Variants in BLTP1 observed in about 807,000 individuals in gnomAD.
BLTP1 encodes the protein fragile site-associated protein.
chr4:122,193,059 G>A, the BLTP1 span, among the ~76,000 whole-genome samples: 3 of 152,088 alleles, frequency 2.0e-5, no homozygotes, highest in African/African-American at 7.2e-5. Context: ...GTATCTTCAT[G>A]TGGTCTTTCC....
At chr4:122,224,486 T>C in the BLTP1 span, 1 of 1,607,862 alleles carries the variant, frequency 6.2e-7, no homozygotes, top group Non-Finnish European at 8.5e-7. Context: ...GTCTCATCAT[T>C]ATTGTTTTCA....
the BLTP1 span, chr4:122,298,715 A>C: frequency 2.4e-6 from 1 of 420,018 alleles, no homozygotes; most frequent in South Asian, 1.0e-4. Flanking sequence ...TGAATGAAGA[A>C]GTTAAGTAGT....
chr4:122,158,703 G>C, the BLTP1 span, among the ~76,000 whole-genome samples: 9 of 152,176 alleles, frequency 5.9e-5, no homozygotes, highest in Admixed American at 5.2e-4. Flanking sequence ...CCCAGGAGGA[G>C]GGGCTTGCAG....
At chr4:122,217,163 T>C in the BLTP1 span, among the ~76,000 whole-genome samples, 1 of 152,058 alleles carries the variant, frequency 6.6e-6, no homozygotes, top group Non-Finnish European at 1.5e-5. Flanking sequence ...AGTATTTGGC[T>C]CCACTCTGGC....
At chr4:122,353,864 G>T in the BLTP1 span, 1 of 1,613,642 alleles carries the variant, frequency 6.2e-7, no homozygotes, top group Non-Finnish European at 8.5e-7. This position sits in a 1 kb window ranked among gnomAD's most constrained non-coding sequence, Gnocchi z 4.3. Context: ...TTTTCACCTG[G>T]GTCATAATAC....
the BLTP1 span, among the ~76,000 whole-genome samples, chr4:122,181,823 TAAA>T: frequency 1.3e-5 from 2 of 152,080 alleles, no homozygotes; most frequent in African/African-American, 4.8e-5. Flanking sequence ...GAATTTCCTT[TAAA>T]AAAGCACAGG....
chr4:122,231,407 G>A, the BLTP1 span, among the ~76,000 whole-genome samples: 4 of 151,200 alleles, frequency 2.6e-5, no homozygotes, highest in Non-Finnish European at 4.4e-5. Context: ...TAGCTGTTTC[G>A]ATTTCTTCAC....
At chr4:122,247,077 A>G in the BLTP1 span, 956 of 1,460,298 alleles carry the variant, frequency 6.5e-4, 2 homozygotes, top group Non-Finnish European at 6.0e-4. Context: ...GTTTTTTTTA[A>G]AGGAAACCTT....
chr4:122,182,591 G>C, the BLTP1 span: 1 of 947,686 alleles, frequency 1.1e-6, no homozygotes, highest in Non-Finnish European at 1.3e-6. Flanking sequence ...TGCTCCTTGA[G>C]GAATAAGGCA....
chr4:122,273,048 A>G, the BLTP1 span: 1 of 196,380 alleles, frequency 5.1e-6, no homozygotes. Flanking sequence ...CAGTGGATAC[A>G]GCAATAAAGT....
the BLTP1 span, chr4:122,300,981 C>G: frequency 1.0e-6 from 1 of 980,994 alleles, no homozygotes; most frequent in Non-Finnish European, 1.2e-6. Context: ...CAACAGAATT[C>G]ACATTATTAG....
the BLTP1 span, among the ~76,000 whole-genome samples, chr4:122,201,501 C>T: frequency 7.9e-5 from 12 of 152,248 alleles, no homozygotes; most frequent in African/African-American, 1.4e-4. Flanking sequence ...CAACAGTATA[C>T]GCAAATAGCT....
chr4:122,184,564 G>T, the BLTP1 span: 1 of 261,072 alleles, frequency 3.8e-6, no homozygotes, highest in Non-Finnish European at 6.0e-6. Flanking sequence ...GCTGGAACTT[G>T]GGAGGTGCCA....
chr4:122,346,444 G>A, the BLTP1 span: 1 of 984,548 alleles, frequency 1.0e-6, no homozygotes. Flanking sequence ...TCAAAAAAGG[G>A]AAGTGGTACT....
the BLTP1 span, chr4:122,276,567 G>A: frequency 3.0e-6 from 3 of 985,240 alleles, no homozygotes; most frequent in Admixed American, 6.2e-5. Context: ...CCATTTGCAT[G>A]TCAGCACCAT....
At chr4:122,214,261 C>T in the BLTP1 span, 1 of 941,454 alleles carries the variant, frequency 1.1e-6, no homozygotes, top group Non-Finnish European at 1.3e-6. Context: ...TGACAAGACA[C>T]TCATATACCA....
the BLTP1 span, chr4:122,199,823 ATAAT>A: frequency 4.4e-6 from 3 of 675,832 alleles, no homozygotes; most frequent in Non-Finnish European, 5.5e-6. Flanking sequence ...CAGGGTTTAA[ATAAT>A]GTAATTTATT....
At chr4:122,282,507 T>C in the BLTP1 span, among the ~76,000 whole-genome samples, 1 of 152,088 alleles carries the variant, frequency 6.6e-6, no homozygotes, top group Admixed American at 6.6e-5. Context: ...CTGGGCATGA[T>C]GGCAGGCACC....
chr4:122,271,055 C>T, the BLTP1 span: 6 of 1,612,670 alleles, frequency 3.7e-6, no homozygotes, highest in Non-Finnish European at 5.1e-6. Context: ...TGAGTTCAAA[C>T]CAGCATTAAT....
Sources: allele counts gnomAD v4.1 joint callset (sites outside exome capture counted in the v4.1 genomes callset), GRCh38; gene constraint gnomAD v4.1.1; non-coding constraint Gnocchi (gnomAD v3.1); transcripts MANE v1.5; gene names NCBI Gene and HGNC (gene_info 2026-07-23, HGNC 2026-07-21).